Variants in OXTR observed in about 807,000 individuals in gnomAD.
OXTR encodes the protein oxytocin receptor.
OXTR carries 19 observed loss-of-function variants against 23.9 expected under a neutral mutation model. That is an observed-to-expected ratio of 0.80 (90% CI 0.56 to 1.17). OXTR has a LOEUF of 1.17. Ranked by LOEUF, OXTR falls within the 50% of genes most tolerant of loss-of-function variation. The pLI, the probability that OXTR is intolerant of heterozygous loss-of-function variation, is 0.00. For missense variants in OXTR, 500 were observed against 550.7 expected (o/e 0.91, Z 0.92); for synonymous variants, 278 against 250.5 (o/e 1.11, Z -1.04).
downstream of OXTR, chr3:8,745,645 G>A (rs148846096): frequency 5.5e-5 from 89 of 1,614,076 alleles, no homozygotes; most frequent in African/African-American, 5.6e-4. The surrounding 1 kb of genome is among the most constrained non-coding windows in gnomAD (Gnocchi z 4.8). Context: ...TGTTGTCCAC[G>A]CTGCTGGGCG....
At chr3:8,766,238 G>C (rs1487637685) in intron 3 of OXTR, among the ~76,000 whole-genome samples, 1 of 152,190 alleles carries the variant, frequency 6.6e-6, no homozygotes, top group Non-Finnish European at 1.5e-5. Context: ...CTACTGGAAA[G>C]GGGTTGGGGG....
the OXTR span, chr3:8,742,372 AAAGAAG>A: frequency 5.8e-6 from 2 of 345,888 alleles, no homozygotes; most frequent in South Asian, 4.5e-5. Flanking sequence ...AAAAAAAAAA[AAAGAAG>A]AAGAAGAAGA....
intron 3 of OXTR, among the ~76,000 whole-genome samples, chr3:8,762,759 T>C (rs1236011401): frequency 1.3e-5 from 2 of 152,230 alleles, no homozygotes; most frequent in Admixed American, 1.3e-4. Flanking sequence ...AAACCAGGCC[T>C]CCTGTGCCTG....
intron 3 of OXTR, among the ~76,000 whole-genome samples, chr3:8,753,738 G>A (rs998671447): frequency 1.3e-5 from 2 of 152,182 alleles, no homozygotes; most frequent in Admixed American, 1.3e-4. Flanking sequence ...GGGGACTGCT[G>A]CAAGGATTAA....
chr3:8,745,587 A>C (rs1575477552), downstream of OXTR: 1 of 1,614,108 alleles, frequency 6.2e-7, no homozygotes, highest in East Asian at 2.2e-5. This position sits in a 1 kb window ranked among gnomAD's most constrained non-coding sequence, Gnocchi z 4.8. Flanking sequence ...GGCGTGTGGA[A>C]GGTGAGCTAC....
chr3:8,745,061 C>G, the OXTR span: 1 of 165,492 alleles, frequency 6.0e-6, no homozygotes, highest in Non-Finnish European at 1.3e-5. This position sits in a 1 kb window ranked among gnomAD's most constrained non-coding sequence, Gnocchi z 4.8. Context: ...GAGGTGGGGC[C>G]GGGTGGGAGG....
At chr3:8,765,768 G>C (rs189231474) in intron 3 of OXTR, among the ~76,000 whole-genome samples, 1 of 152,162 alleles carries the variant, frequency 6.6e-6, no homozygotes, top group Non-Finnish European at 1.5e-5. Context: ...CTGACTTGCT[G>C]TGTGACCTGG....
chr3:8,767,306 CACG>C lies in OXTR; in HGVS notation c.879_881del (p.Phe293_Val294delinsLeu). 6.3e-7 allele frequency: 1 copy of C among 1,592,960 alleles called. No homozygotes were observed. ...TGGCATCCCAGACGCTCCACATCTGCACGAAGAAGAAAGGCGTCCAGCACACGA... is the reference window on the plus strand; with the variant it reads ...TGGCATCCCAGACGCTCCACATCTGCAAGAAGAAAGGCGTCCAGCACACGA... On this transcript the variant is annotated inframe_deletion, in exon 3 of 4. Transcript: ENST00000316793.
chr3:8,745,927 G>C, downstream of OXTR: 1 of 1,418,424 alleles, frequency 7.1e-7, no homozygotes, highest in Non-Finnish European at 9.8e-7. This position sits in a 1 kb window ranked among gnomAD's most constrained non-coding sequence, Gnocchi z 4.8. Flanking sequence ...TGGTCCCCGG[G>C]GGACTTCTTC....
intron 3 of OXTR, among the ~76,000 whole-genome samples, chr3:8,759,016 T>C (rs1275222439): frequency 6.6e-6 from 1 of 152,228 alleles, no homozygotes; most frequent in African/African-American, 2.4e-5. Flanking sequence ...ACCTGTTTCC[T>C]TGTCAAAACT....
Position 8,767,511 on chromosome 3 carries a change from T to C in OXTR, c.677A>G (p.Lys226Arg), listed in dbSNP as rs1316448422. ...CTTGAGCCGCAAGTTCTGCCAGATC[T>C]TGAAGCTGATAAGGCCGTAGCAGGC... The part of the protein sequence containing the change: ...LAACYGLISF[K>R]IWQNLRLKTA... The change falls in exon 3 of 4, where the codon AAG (lysine) becomes AGG (arginine). Residue 226 changes from lysine to arginine, a missense_variant. Lys to Arg is a conservative substitution (Grantham distance 26, BLOSUM62 2). Transcript: ENST00000316793. 3.7e-6 allele frequency: 6 copies of C among 1,612,298 alleles called. No individual in the cohort carries two copies. Among genetic ancestry groups the C allele is most frequent in the Non-Finnish European group, 5.1e-6 (6 of 1,179,384 alleles).
At chr3:8,758,700 T>C (rs750764822) in intron 3 of OXTR, among the ~76,000 whole-genome samples, 2 of 152,124 alleles carry the variant, frequency 1.3e-5, no homozygotes, top group Non-Finnish European at 2.9e-5. Context: ...AAGGTCTGGG[T>C]GAAGAGCCAA....
At chr3:8,764,849 T>C (rs990586849) in intron 3 of OXTR, among the ~76,000 whole-genome samples, 7 of 152,188 alleles carry the variant, frequency 4.6e-5, no homozygotes, top group Non-Finnish European at 8.8e-5. Flanking sequence ...CGGTCTGTGT[T>C]TGGATTCTTC....
rs1708631527 is a variant in OXTR, at chr3:8,767,335, T to C, written c.853A>G (p.Ile285Val). 1 of 1,608,986 alleles carries C rather than the reference T, an allele frequency of 6.2e-7. No individual in the cohort carries two copies. Among genetic ancestry groups the C allele is most frequent in the Non-Finnish European group, 8.5e-7 (1 of 1,178,272 alleles). The stretch of plus-strand genomic sequence containing the variant: ...AAGAAGAAAGGCGTCCAGCACACGA[T>C]GAAGGCCAGCACGATGATGAAAGTC... ...KMTFIIVLAFIVCWTPFFFVQ... is the reference protein window; with the variant it reads ...KMTFIIVLAFVVCWTPFFFVQ... Residue 285 changes from isoleucine (I) to valine (V), a missense_variant, in exon 3 of 4, where the codon ATC (isoleucine) becomes GTC (valine). Ile to Val is a conservative substitution (Grantham distance 29). Coordinates refer to ENST00000316793, the MANE Select transcript of OXTR (RefSeq NM_000916.4).
chr3:8,742,675 A>C, the OXTR span: 9 of 343,338 alleles, frequency 2.6e-5, no homozygotes, highest in Middle Eastern at 3.9e-4. Context: ...GCACTGCTCA[A>C]GAGGTAGTGT....
At chr3:8,765,911 T>A (rs1708596403) in intron 3 of OXTR, among the ~76,000 whole-genome samples, 1 of 152,146 alleles carries the variant, frequency 6.6e-6, no homozygotes, top group South Asian at 2.1e-4. Context: ...CTGGGAGGGT[T>A]CCATAAAGCC....
downstream of OXTR, among the ~76,000 whole-genome samples, chr3:8,749,015 G>T (rs188150530): frequency 1.2e-4 from 18 of 152,254 alleles, no homozygotes; most frequent in East Asian, 2.7e-3. Flanking sequence ...CCATGCATAT[G>T]GTTGTAAACA....
At chr3:8,762,293 G>T (rs77943865) in intron 3 of OXTR, among the ~76,000 whole-genome samples, 1 of 152,178 alleles carries the variant, frequency 6.6e-6, no homozygotes, top group African/African-American at 2.4e-5. Flanking sequence ...CTGGTTTGGG[G>T]TTAGCTTTTG....
intron 3 of OXTR, 112 bp from the exon 4 acceptor site, chr3:8,753,336 A>T: frequency 8.0e-7 from 1 of 1,254,894 alleles, no homozygotes; most frequent in South Asian, 1.5e-5. Context: ...TTGTCCAAGT[A>T]CTACATCCTG....
Sources: allele counts gnomAD v4.1 joint callset (sites outside exome capture counted in the v4.1 genomes callset), GRCh38; gene constraint gnomAD v4.1.1; non-coding constraint Gnocchi (gnomAD v3.1); transcripts MANE v1.5; gene names NCBI Gene and HGNC (gene_info 2026-07-23, HGNC 2026-07-21).